The following GNA12 variants were observed in gnomAD, a reference collection of about 807,000 sequenced individuals.
The protein encoded by GNA12 is G protein subunit alpha 12.
In GNA12, 9 loss-of-function variants were observed where a neutral mutation model predicts 26.0. The ratio of observed to expected loss-of-function variants is 0.35; its 90% confidence interval spans 0.21 to 0.60. The LOEUF is 0.60. Ranked by LOEUF, GNA12 falls within the 20% of genes least tolerant of loss-of-function variation. The pLI, the probability that GNA12 is intolerant of heterozygous loss-of-function variation, is 0.78. For synonymous variants in GNA12, 264 were observed against 219.6 expected (o/e 1.20, Z -1.79); for missense variants, 405 against 525.8 (o/e 0.77, Z 2.25).
Position 2,823,880 on chromosome 7 carries a change from G to A in GNA12, c.309+19973C>T, listed in dbSNP as rs546234032. 7.2e-5 allele frequency among the ~76,000 whole-genome samples: 11 copies of A among 152,120 alleles called. No individual in the cohort carries two copies. The South Asian group carries it at 1.0e-3, about 14-fold the overall frequency. On this transcript the variant is annotated intron_variant, in intron 1 of 3. Transcript: ENST00000275364. ...ACTCTTTTTCCCATGAAAATAATGC[G>A]CATTCTAGAAAACAGAGATAAGGGC...
chr7:2,771,434 G>T (rs1011568262), intron 2 of GNA12, among the ~76,000 whole-genome samples: 1 of 152,126 alleles, frequency 6.6e-6, no homozygotes, highest in Non-Finnish European at 1.5e-5. Context: ...CTCCCACTGT[G>T]GCCTTATCAG....
chr7:2,774,007 CAGG>C (rs139328361), intron 2 of GNA12, among the ~76,000 whole-genome samples: 34 of 152,286 alleles, frequency 2.2e-4, no homozygotes, highest in African/African-American at 7.5e-4. Flanking sequence ...GCCAGTAACA[CAGG>C]AGTAAATACC....
chr7:2,760,420 G>A (rs1019330368), intron 2 of GNA12: 2 of 152,492 alleles, frequency 1.3e-5, no homozygotes, highest in African/African-American at 4.8e-5. Context: ...AGCAATCAAT[G>A]TCAGTGGTCT....
chr7:2,821,564 G>A (rs1474478685), intron 1 of GNA12, among the ~76,000 whole-genome samples: 1 of 152,168 alleles, frequency 6.6e-6, no homozygotes, highest in African/African-American at 2.4e-5. Flanking sequence ...GAACTCACTG[G>A]GTGGCCCCAA....
At chr7:2,835,783 G>T in intron 1 of GNA12, 1 of 722,456 alleles carries the variant, frequency 1.4e-6, no homozygotes, top group Non-Finnish European at 2.6e-6. Flanking sequence ...AGATGCTCGT[G>T]ACGGTACCAT....
At chr7:2,766,694 C>G (rs556052809) in intron 2 of GNA12, among the ~76,000 whole-genome samples, 1 of 152,108 alleles carries the variant, frequency 6.6e-6, no homozygotes, top group Non-Finnish European at 1.5e-5. Context: ...CCAGCTTCCA[C>G]CTCTTAGGCA....
At chr7:2,826,716 C>T (rs79599576) in intron 1 of GNA12, among the ~76,000 whole-genome samples, 7,439 of 152,270 alleles carry the variant, frequency 0.049, 521 homozygotes, top group African/African-American at 0.15. Context: ...ATTCCAACTA[C>T]AGGACATTCT....
At chr7:2,789,528 A>G (rs1195247366) in intron 2 of GNA12, among the ~76,000 whole-genome samples, 2 of 152,178 alleles carry the variant, frequency 1.3e-5, no homozygotes, top group Non-Finnish European at 2.9e-5. Context: ...GTGGTGCCTC[A>G]CTACTCCCCA....
intron 2 of GNA12, among the ~76,000 whole-genome samples, chr7:2,783,649 C>CATTTATTTATTT (rs60404277): frequency 0.06 from 8,371 of 138,540 alleles, 323 homozygotes; most frequent in East Asian, 0.14. Flanking sequence ...GGCTGTAACA[C>CATTTATTTATTT]ATTTATTTAT....
At chr7:2,780,390 T>C (rs1408839945) in intron 2 of GNA12, among the ~76,000 whole-genome samples, 1 of 152,092 alleles carries the variant, frequency 6.6e-6, no homozygotes, top group African/African-American at 2.4e-5. Flanking sequence ...TTGTAAATTA[T>C]AACAATATAG....
intron 2 of GNA12, among the ~76,000 whole-genome samples, chr7:2,735,018 C>A (rs1339636193): frequency 6.6e-6 from 1 of 152,188 alleles, no homozygotes; most frequent in Non-Finnish European, 1.5e-5. Flanking sequence ...CAGCCGCCTT[C>A]CCGTGGCTGT....
At position 2,761,140 on chromosome 7, in the gene GNA12, C is replaced by T. The variant is rs535279401; in HGVS notation, c.526-27639G>A. Among the ~76,000 whole-genome samples, 14 of 152,328 alleles carry T rather than the reference C, an allele frequency of 9.2e-5. No individual in the cohort carries two copies. In the East Asian group the frequency reaches 1.7e-3, roughly 19 times the overall value. ...CTGTGGGGCTCCTCTTAGAGTTATGCGGATGGGAGACAACCACGGCCGCCT... is the reference window on the plus strand; with the variant it reads ...CTGTGGGGCTCCTCTTAGAGTTATGTGGATGGGAGACAACCACGGCCGCCT... On this transcript the variant is annotated intron_variant, in intron 2 of 3. Coordinates refer to ENST00000275364, the MANE Select transcript of GNA12 (RefSeq NM_007353.3).
At chr7:2,793,205 C>T (rs778943638) in intron 2 of GNA12, among the ~76,000 whole-genome samples, 10 of 152,154 alleles carry the variant, frequency 6.6e-5, no homozygotes, top group Non-Finnish European at 1.3e-4. Context: ...AAGGAGCTAT[C>T]ATGGACTGCA....
At chr7:2,795,218 G>C (rs745503501) in intron 1 of GNA12, 75 bp from the exon 2 acceptor site, 7 of 1,069,550 alleles carry the variant, frequency 6.5e-6, no homozygotes, top group Non-Finnish European at 7.1e-6. Context: ...GCTCAAAATG[G>C]GCATCCATTG....
intron 2 of GNA12, among the ~76,000 whole-genome samples, chr7:2,756,428 T>C (rs116378255): frequency 0.029 from 4,411 of 152,114 alleles, 149 homozygotes; most frequent in African/African-American, 0.083. Flanking sequence ...GCCTGGGCAA[T>C]AGAGTGAGAC....
chr7:2,808,627 G>A (rs1006412287), intron 1 of GNA12, among the ~76,000 whole-genome samples: 2 of 152,208 alleles, frequency 1.3e-5, no homozygotes, highest in Admixed American at 6.5e-5. Context: ...AGCCAATGCC[G>A]TGGTTCTACC....
intron 2 of GNA12, among the ~76,000 whole-genome samples, chr7:2,790,128 C>T (rs140764486): frequency 6.6e-6 from 1 of 152,240 alleles, no homozygotes; most frequent in South Asian, 2.1e-4. Flanking sequence ...TCACTCCGCA[C>T]TGTCTCCTGG....
intron 2 of GNA12, chr7:2,762,817 T>C (rs1333177087): frequency 6.6e-7 from 1 of 1,525,644 alleles, no homozygotes; most frequent in Non-Finnish European, 8.8e-7. Context: ...CGGCCTCCCA[T>C]CCGCCACACA....
chr7:2,804,799 C>T (rs1050809899), intron 1 of GNA12, among the ~76,000 whole-genome samples: 7 of 152,042 alleles, frequency 4.6e-5, no homozygotes, highest in South Asian at 4.2e-4. Context: ...TGGCTTAAGC[C>T]TGTAATCCTA....
Sources: allele counts gnomAD v4.1 joint callset (sites outside exome capture counted in the v4.1 genomes callset), GRCh38; gene constraint gnomAD v4.1.1; transcripts MANE v1.5; gene names NCBI Gene and HGNC (gene_info 2026-07-23, HGNC 2026-07-21).